ADGRL3: variants seen among roughly 807,000 people sequenced by gnomAD.
The protein encoded by ADGRL3 is adhesion G protein-coupled receptor L3, also known as calcium-independent alpha-latrotoxin receptor 3.
A neutral mutation model predicts 153.5 loss-of-function variants in ADGRL3; 62 were observed. The ratio of observed to expected loss-of-function variants is 0.40; its 90% CI spans 0.33 to 0.50. ADGRL3 has a LOEUF of 0.50. ADGRL3 is among the 20% of genes least tolerant of loss of function. The pLI is 0.47. For synonymous variants in ADGRL3, 710 were observed against 672.5 expected (o/e 1.06, Z -0.86); for missense variants, 1,641 against 1,859.4 (o/e 0.88, Z 2.16).
At chr4:61,530,411 A>G (rs1349096403) in intron 4 of ADGRL3, among the ~76,000 whole-genome samples, 1 of 151,948 alleles carries the variant, frequency 6.6e-6, no homozygotes, top group Non-Finnish European at 1.5e-5. Flanking sequence ...AAATCTTCAC[A>G]GAGTATATGG....
chr4:61,892,732 A>T lies in ADGRL3; in HGVS notation c.1557A>T (p.Pro519=), dbSNP rs1331340683. The change falls in exon 10 of 27, where the codon CCA becomes CCT. Residue 519 remains proline, a synonymous_variant. Coordinates refer to ENST00000683033, the MANE Select transcript of ADGRL3 (RefSeq NM_001387552.1). ...CCCTTCGGACCACAACTTTGAGCCC[A>T]GGAAGGAGTACCACCCCGTCAGTGT... is the stretch of plus-strand genomic sequence containing the variant. ...STTLRTTTLS[P]GRSTTPSVSG... is the part of the protein sequence containing the mutation. 6.2e-7 allele frequency: 1 copy of T among 1,613,782 alleles called. No individual in the cohort carries two copies. The highest frequency in any genetic ancestry group is 1.3e-5 in the African/African-American group (1 of 74,912).
intron 5 of ADGRL3, among the ~76,000 whole-genome samples, chr4:61,623,767 T>A (rs1052741615): frequency 6.6e-6 from 1 of 152,144 alleles, no homozygotes; most frequent in Non-Finnish European, 1.5e-5. Context: ...ATTATTAGTC[T>A]GATAGATGTC....
intron 4 of ADGRL3, among the ~76,000 whole-genome samples, chr4:61,549,985 T>C (rs774133855): frequency 6.6e-6 from 1 of 151,970 alleles, no homozygotes; most frequent in Non-Finnish European, 1.5e-5. Context: ...TTAAAAATTG[T>C]AGTTTCATTA....
chr4:61,747,957 C>G (rs113197704), intron 8 of ADGRL3, among the ~76,000 whole-genome samples: 3 of 150,182 alleles, frequency 2.0e-5, no homozygotes, highest in Non-Finnish European at 4.4e-5. Flanking sequence ...ATATAGGAAA[C>G]CCCATTGTCT....
chr4:62,057,941 A>C (rs548096430), intron 25 of ADGRL3, among the ~76,000 whole-genome samples: 13 of 152,290 alleles, frequency 8.5e-5, no homozygotes, highest in Admixed American at 2.6e-4. Context: ...AGCCTCCCAA[A>C]GTGCTGGGAT....
intron 21 of ADGRL3, among the ~76,000 whole-genome samples, chr4:62,020,001 C>A (rs1428328035): frequency 6.6e-6 from 1 of 152,098 alleles, no homozygotes; most frequent in African/African-American, 2.4e-5. Context: ...TCCAACTGTG[C>A]TGCAGTGCCT....
intron 17 of ADGRL3, among the ~76,000 whole-genome samples, chr4:61,961,337 A>G (rs919325768): frequency 2.6e-5 from 4 of 152,212 alleles, no homozygotes; most frequent in African/African-American, 9.6e-5. Flanking sequence ...ATGTAGAACT[A>G]TATTTTGCTT....
chr4:61,263,125 G>T (rs2092641936), intron 1 of ADGRL3, among the ~76,000 whole-genome samples: 1 of 151,844 alleles, frequency 6.6e-6, no homozygotes, highest in African/African-American at 2.4e-5. Context: ...AAATTAAAAG[G>T]TTATGCAAAT....
intron 1 of ADGRL3, among the ~76,000 whole-genome samples, chr4:61,268,923 A>G (rs1447674611): frequency 6.6e-6 from 1 of 151,656 alleles, no homozygotes; most frequent in African/African-American, 2.4e-5. Context: ...CTCATTCATC[A>G]TTTGCCCTTT....
intron 1 of ADGRL3, among the ~76,000 whole-genome samples, chr4:61,253,044 A>G (rs1449195462): frequency 1.3e-5 from 2 of 152,158 alleles, no homozygotes; most frequent in African/African-American, 4.8e-5. Flanking sequence ...AGTAGCTCTA[A>G]TGGTTAACTT....
intron 17 of ADGRL3, 74 bp downstream of exon 17, chr4:61,948,350 A>T: frequency 9.7e-7 from 1 of 1,028,444 alleles, no homozygotes; most frequent in South Asian, 2.0e-5. Context: ...TCCTAACTAT[A>T]TGGGCTATCA....
At chr4:61,228,972 G>A (rs1391710858) in intron 1 of ADGRL3, among the ~76,000 whole-genome samples, 3 of 152,142 alleles carry the variant, frequency 2.0e-5, no homozygotes, top group Non-Finnish European at 2.9e-5. Flanking sequence ...AATTACAGGC[G>A]TGAGCCACCA....
intron 11 of ADGRL3, among the ~76,000 whole-genome samples, chr4:61,896,863 G>A (rs918761710): frequency 2.6e-5 from 4 of 152,116 alleles, no homozygotes; most frequent in African/African-American, 9.7e-5. Flanking sequence ...AACTCTTGCT[G>A]GATGTGATCA....
chr4:61,828,974 C>T (rs1326030447), intron 9 of ADGRL3, among the ~76,000 whole-genome samples: 1 of 152,158 alleles, frequency 6.6e-6, no homozygotes, highest in Non-Finnish European at 1.5e-5. Context: ...TGGTCATGCT[C>T]TTAACTGAGA....
At chr4:61,278,732 C>T (rs2093595825) in intron 1 of ADGRL3, among the ~76,000 whole-genome samples, 2 of 152,100 alleles carry the variant, frequency 1.3e-5, no homozygotes, top group Non-Finnish European at 1.5e-5. Context: ...TCTCGAACTC[C>T]TGATATCAAG....
chr4:61,801,974 C>G (rs1366681760), intron 8 of ADGRL3, among the ~76,000 whole-genome samples: 3 of 152,064 alleles, frequency 2.0e-5, no homozygotes, highest in African/African-American at 7.2e-5. Flanking sequence ...ACATTTCTAT[C>G]TGAAATGTCC....
At chr4:61,300,177 C>A (rs1324136526) in intron 1 of ADGRL3, among the ~76,000 whole-genome samples, 1 of 152,156 alleles carries the variant, frequency 6.6e-6, no homozygotes, top group Non-Finnish European at 1.5e-5. Context: ...TCCAAGTAAT[C>A]CCAGGTTACT....
intron 8 of ADGRL3, among the ~76,000 whole-genome samples, chr4:61,798,540 C>T (rs1292150093): frequency 6.6e-6 from 1 of 152,068 alleles, no homozygotes. Context: ...GTACATCTTC[C>T]TCTGCCATAT....
rs756680977 is a variant in ADGRL3, at chr4:61,980,306, A to ATTTTTTTTTT, written c.3015+551_3015+560dup. On this transcript the variant is annotated intron_variant, in intron 18 of 26. Transcript: ENST00000683033. ...TCCCACTAACCTCTGGTAACCACTAATTTTTTTTTTTTTTTTTTTTTTTTT... is the reference window on the plus strand; with the variant it reads ...TCCCACTAACCTCTGGTAACCACTAATTTTTTTTTTTTTTTTTTTTTTTTTTTTTTTTTTT... 3.0e-4 allele frequency among the ~76,000 whole-genome samples: 22 copies of ATTTTTTTTTT among 74,410 alleles called. 5 individuals are homozygous for ATTTTTTTTTT. The highest frequency in any genetic ancestry group is 5.1e-4 in the South Asian group (1 of 1,974). The allele number at this position is 74,410 out of a possible 152,430, so 48.8% of individuals were successfully genotyped here. A position where few individuals can be genotyped will look rare whatever the true frequency, so the allele number is the denominator to read the frequency against.
Sources: allele counts gnomAD v4.1 joint callset (sites outside exome capture counted in the v4.1 genomes callset), GRCh38; gene constraint gnomAD v4.1.1; transcripts MANE v1.5; gene names NCBI Gene and HGNC (gene_info 2026-07-23, HGNC 2026-07-21).